The following GOLPH3 variants were observed in gnomAD, a reference collection of about 807,000 sequenced individuals.
GOLPH3 encodes golgi phosphoprotein 3, also known as coat protein GPP34.
A neutral mutation model predicts 28.5 loss-of-function variants in GOLPH3; 14 were observed. That is an observed-to-expected ratio of 0.49 (90% CI 0.32 to 0.77). GOLPH3 has a LOEUF of 0.77. Among genes scored for constraint, GOLPH3 ranks in the 30% least tolerant of loss-of-function variants. The probability of loss-of-function intolerance (pLI) is 0.03; values close to 1 mark genes in which losing one functional copy is unlikely to be tolerated. For synonymous variants in GOLPH3, 158 were observed against 159.2 expected, an observed-to-expected ratio of 0.99 and a Z score of 0.06; for missense variants, 350 against 393.7, an observed-to-expected ratio of 0.89 and a Z score of 0.94.
intron 1 of GOLPH3, among the ~76,000 whole-genome samples, chr5:32,145,154 A>G (rs1746160460): frequency 6.6e-6 from 1 of 152,220 alleles, no homozygotes; most frequent in South Asian, 2.1e-4. Flanking sequence ...ATCAAACTTC[A>G]TTTTTGATAC....
In GOLPH3 at chr5:32,173,880, T is replaced by G; in HGVS notation, c.155A>C (p.Lys52Thr). 1 of 1,527,412 alleles carries G rather than the reference T, an allele frequency of 6.5e-7. No homozygotes were observed. Among genetic ancestry groups the G allele is most frequent in the Non-Finnish European group, 8.8e-7 (1 of 1,140,576 alleles). 94.6% of individuals were successfully genotyped at this position (1,527,412 alleles called of 1,614,324 possible). A position where few individuals can be genotyped will look rare whatever the true frequency, so the allele number is the denominator to read the frequency against. Residue 52 changes from lysine to threonine, a missense_variant, in exon 1 of 4, where the codon AAG (lysine) becomes ACG (threonine). Transcript: ENST00000265070. ...SRRDEQDDDDKGDSKETRLTL... is the reference protein window; with the variant it reads ...SRRDEQDDDDTGDSKETRLTL... The stretch of plus-strand genomic sequence containing the variant: ...CAGCCGCGTTTCCTTGGAGTCGCCC[T>G]TGTCGTCGTCGTCCTGCTCGTCGCG...
At chr5:32,133,876 A>G (rs527477465) in intron 3 of GOLPH3, among the ~76,000 whole-genome samples, 10 of 152,356 alleles carry the variant, frequency 6.6e-5, no homozygotes, top group South Asian at 4.1e-4. Context: ...GGGGGAAAGT[A>G]TAAGTCAGAG....
At position 32,130,912 on chromosome 5, in the gene GOLPH3, G is replaced by A. The variant is rs141774417; in HGVS notation, c.473-4276C>T. 1.8e-4 allele frequency among the ~76,000 whole-genome samples: 27 copies of A among 152,290 alleles called. No homozygotes were observed. In the East Asian group the frequency reaches 5.0e-3, roughly 28 times the overall value. On this transcript the variant is annotated intron_variant, in intron 3 of 3. Coordinates refer to ENST00000265070, the MANE Select transcript of GOLPH3 (RefSeq NM_022130.4). ...CTTAGTAAATTTTACAGAAGTTCCT[G>A]TGGAAATTTCCCAATTCCAAAGTAT...
rs1746923531 is a variant in GOLPH3, at chr5:32,174,232, A to C, written c.-198T>G. ...CGGGCTGGCCGGGCGTCGGCGGGGC[A>C]GGAGAGGAGCGCCTTCCTGCCTGTG... is the stretch of plus-strand genomic sequence containing the variant. On this transcript the variant is annotated 5_prime_UTR_variant, in exon 1 of 4. Coordinates refer to ENST00000265070, the MANE Select transcript of GOLPH3 (RefSeq NM_022130.4). 1 of 373,612 alleles carries C rather than the reference A, an allele frequency of 2.7e-6. No individual in the cohort carries two copies. The highest frequency in any genetic ancestry group is 2.1e-5 in the African/African-American group (1 of 47,530). 23.1% of individuals were successfully genotyped at this position (373,612 alleles called of 1,614,324 possible). A position where few individuals can be genotyped will look rare whatever the true frequency, so the allele number is the denominator to read the frequency against.
chr5:32,172,943 A>G (rs1224328401), intron 1 of GOLPH3, among the ~76,000 whole-genome samples: 2 of 152,238 alleles, frequency 1.3e-5, no homozygotes, highest in African/African-American at 4.8e-5. Flanking sequence ...GTATATATGC[A>G]TATGTATCTA....
chr5:32,141,773 C>T lies in GOLPH3; in HGVS notation c.357+1976G>A, dbSNP rs559838664. Among the ~76,000 whole-genome samples the T allele has an allele frequency of 5.9e-5, 9 of 152,240 alleles. No individual in the cohort carries two copies. In the East Asian group the frequency reaches 1.5e-3, roughly 26 times the overall value. ...CGCGCCGCCACGCCTGACTGGTTTTCGTATTTTTTTGGTGGAGACGGGGAT... is the reference window on the plus strand; with the variant it reads ...CGCGCCGCCACGCCTGACTGGTTTTTGTATTTTTTTGGTGGAGACGGGGAT... On this transcript the variant is annotated intron_variant, in intron 2 of 3. Transcript: ENST00000265070.
intron 2 of GOLPH3, among the ~76,000 whole-genome samples, chr5:32,136,853 C>A (rs968535334): frequency 9.2e-5 from 14 of 152,160 alleles, no homozygotes; most frequent in African/African-American, 3.1e-4. Flanking sequence ...GATACTCAAT[C>A]TTATATTATA....
chr5:32,129,087 C>G (rs902446459), intron 3 of GOLPH3, among the ~76,000 whole-genome samples: 4 of 152,092 alleles, frequency 2.6e-5, no homozygotes, highest in African/African-American at 9.7e-5. Context: ...GAGGCTGAGG[C>G]AGGAGAATCG....
At chr5:32,173,412 CAA>C (rs1205374595) in intron 1 of GOLPH3, among the ~76,000 whole-genome samples, 7 of 151,864 alleles carry the variant, frequency 4.6e-5, no homozygotes, top group Non-Finnish European at 8.8e-5. Context: ...TGCAAAAACC[CAA>C]AGAGTTCGTG....
chr5:32,170,565 G>T (rs1746809903), intron 1 of GOLPH3, among the ~76,000 whole-genome samples: 1 of 152,252 alleles, frequency 6.6e-6, no homozygotes, highest in South Asian at 2.1e-4. Flanking sequence ...CTCCTAAAAA[G>T]AGTACTATAG....
intron 1 of GOLPH3, among the ~76,000 whole-genome samples, chr5:32,172,165 C>A (rs1746850552): frequency 6.6e-6 from 1 of 152,060 alleles, no homozygotes; most frequent in Admixed American, 6.6e-5. Flanking sequence ...GGAACATCAA[C>A]TTTTTTCAAG....
At chr5:32,128,784 C>T (rs1017147228) in intron 3 of GOLPH3, among the ~76,000 whole-genome samples, 7 of 151,440 alleles carry the variant, frequency 4.6e-5, no homozygotes, top group African/African-American at 1.7e-4. Context: ...TTAACATTCA[C>T]ACTGTCCAGC....
chr5:32,131,982 C>T (rs765340329), intron 3 of GOLPH3, among the ~76,000 whole-genome samples: 118 of 152,214 alleles, frequency 7.8e-4, no homozygotes, highest in Non-Finnish European at 1.3e-3. Context: ...TGATGAAACC[C>T]CATCTCTACA....
At chr5:32,156,381 T>C (rs1746427053) in intron 1 of GOLPH3, among the ~76,000 whole-genome samples, 1 of 151,938 alleles carries the variant, frequency 6.6e-6, no homozygotes, top group East Asian at 1.9e-4. Flanking sequence ...TGTGCACCTG[T>C]AATCCCAGCT....
intron 1 of GOLPH3, among the ~76,000 whole-genome samples, chr5:32,167,941 T>G (rs79372704): frequency 0.011 from 1,613 of 152,146 alleles, 34 homozygotes; most frequent in African/African-American, 0.037. Flanking sequence ...AAGACAAAGC[T>G]AGGCCCTGTC....
chr5:32,138,220 A>C (rs906929228), intron 2 of GOLPH3, among the ~76,000 whole-genome samples: 4 of 152,152 alleles, frequency 2.6e-5, no homozygotes, highest in African/African-American at 9.7e-5. Context: ...ATCACTTTTA[A>C]AATGCTGAGA....
intron 1 of GOLPH3, among the ~76,000 whole-genome samples, chr5:32,170,112 TTA>T (rs1746797630): frequency 1.3e-5 from 2 of 152,276 alleles, no homozygotes; most frequent in South Asian, 4.1e-4. Context: ...TTTTTAAATA[TTA>T]TAGATTATAA....
At chr5:32,153,120 C>T (rs1746346572) in intron 1 of GOLPH3, among the ~76,000 whole-genome samples, 1 of 152,038 alleles carries the variant, frequency 6.6e-6, no homozygotes, top group Non-Finnish European at 1.5e-5. Context: ...GATATATCTA[C>T]CACATAATGG....
Position 32,174,262 on chromosome 5 carries a change from C to T in GOLPH3, c.-228G>A, listed in dbSNP as rs1316407202. 1.4e-5 allele frequency: 5 copies of T among 359,962 alleles called. No individual in the cohort carries two copies. Among genetic ancestry groups the T allele is most frequent in the Non-Finnish European group, 2.5e-5 (5 of 202,108 alleles). 22.3% of individuals were successfully genotyped at this position (359,962 alleles called of 1,614,324 possible). A position where few individuals can be genotyped will look rare whatever the true frequency, so the allele number is the denominator to read the frequency against. On this transcript the variant is annotated 5_prime_UTR_variant, in exon 1 of 4. Coordinates refer to ENST00000265070, the MANE Select transcript of GOLPH3 (RefSeq NM_022130.4). ...AGGAGCGCCTTCCTGCCTGTGGCCG[C>T]AGTCCCCGAAACACCCCGAGCTCCA...
Sources: allele counts gnomAD v4.1 joint callset (sites outside exome capture counted in the v4.1 genomes callset), GRCh38; gene constraint gnomAD v4.1.1; transcripts MANE v1.5; gene names NCBI Gene and HGNC (gene_info 2026-07-23, HGNC 2026-07-21).